The following PRKG1 variants were observed in gnomAD, a reference collection of about 807,000 sequenced individuals.
The protein encoded by PRKG1 is protein kinase cGMP-dependent 1.
PRKG1 carries 35 observed loss-of-function variants against 88.1 expected under a neutral mutation model. That is an observed-to-expected ratio of 0.40 (90% CI 0.30 to 0.53). PRKG1 has a LOEUF of 0.53. Ranked by LOEUF, PRKG1 falls within the 20% of genes least tolerant of loss-of-function variation. The pLI is 0.59. For missense variants in PRKG1, 540 were observed against 839.8 expected, an observed-to-expected ratio of 0.64 and a Z score of 4.41; for synonymous variants, 303 against 292.5, an observed-to-expected ratio of 1.04 and a Z score of -0.37.
chr10:51,987,010 CTT>C (rs1192224167), intron 5 of PRKG1, among the ~76,000 whole-genome samples: 5 of 151,906 alleles, frequency 3.3e-5, no homozygotes, highest in African/African-American at 1.2e-4. Flanking sequence ...ATGATTAACA[CTT>C]AGGTCTAATA....
intron 2 of PRKG1, among the ~76,000 whole-genome samples, chr10:51,290,692 C>T (rs923308016): frequency 6.6e-6 from 1 of 152,068 alleles, no homozygotes; most frequent in African/African-American, 2.4e-5. Context: ...GCCACCCCAC[C>T]CCGGTAAATG....
In PRKG1 at chr10:52,209,005, A is replaced by G. The variant is rs182537562; in HGVS notation, c.1077-42565A>G. Among the ~76,000 whole-genome samples the G allele has an allele frequency of 1.4e-4, 21 of 152,338 alleles. No homozygotes were observed. The East Asian group carries it at 3.9e-3, about 28-fold the overall frequency. On this transcript the variant is annotated intron_variant, in intron 9 of 17. Coordinates refer to ENST00000373980, the MANE Select transcript of PRKG1 (RefSeq NM_006258.4). ...TGAAATATTTTTAATAATGTAGAAA[A>G]TATGCTTAAGAGCGAGAAAATGATT...
chr10:51,252,233 T>C (rs1839445699), intron 2 of PRKG1, among the ~76,000 whole-genome samples: 1 of 151,848 alleles, frequency 6.6e-6, no homozygotes, highest in African/African-American at 2.4e-5. Flanking sequence ...TGTCTTCTAA[T>C]AGACTAGGAA....
intron 5 of PRKG1, among the ~76,000 whole-genome samples, chr10:52,012,544 G>A (rs113118336): frequency 0.048 from 7,204 of 151,638 alleles, 413 homozygotes; most frequent in African/African-American, 0.14. Context: ...GCCCAGCCGC[G>A]CCCAGCTAAT....
At chr10:51,784,296 C>A (rs1838674213) in intron 3 of PRKG1, among the ~76,000 whole-genome samples, 1 of 151,978 alleles carries the variant, frequency 6.6e-6, no homozygotes, top group Non-Finnish European at 1.5e-5. Context: ...AGATGAGTAG[C>A]CTTCCTGAAA....
intron 3 of PRKG1, chr10:51,699,600 T>TCTTGCGACCGACACTTCCG: frequency 1.3e-6 from 2 of 1,545,210 alleles, no homozygotes; most frequent in Non-Finnish European, 1.7e-6. Context: ...GCGTCTGTCC[T>TCTTGCGACCGACACTTCCG]CTTGCGACCG....
intron 3 of PRKG1, among the ~76,000 whole-genome samples, chr10:51,510,302 T>C (rs1450687054): frequency 3.3e-5 from 5 of 152,310 alleles, no homozygotes; most frequent in African/African-American, 1.2e-4. Flanking sequence ...TAATTAAATA[T>C]GTATAACTTC....
At chr10:51,328,262 C>T (rs772583105) in intron 2 of PRKG1, among the ~76,000 whole-genome samples, 21 of 152,286 alleles carry the variant, frequency 1.4e-4, no homozygotes, top group Non-Finnish European at 2.5e-4. Context: ...TTTCACTTAA[C>T]GTGATGTCTT....
chr10:51,531,236 T>A (rs1446898244), intron 3 of PRKG1, among the ~76,000 whole-genome samples: 1 of 152,220 alleles, frequency 6.6e-6, no homozygotes, highest in African/African-American at 2.4e-5. Flanking sequence ...TGCCTTTAAA[T>A]TGAAGTATGC....
In PRKG1 at chr10:51,163,471, G is replaced by A. The variant is rs892548742; in HGVS notation, c.478+10141G>A. Among the ~76,000 whole-genome samples, 12 of 152,150 alleles carry A rather than the reference G, an allele frequency of 7.9e-5. No homozygotes were observed. The East Asian group carries it at 1.2e-3, about 15-fold the overall frequency. On this transcript the variant is annotated intron_variant, in intron 2 of 17. Transcript: ENST00000373980. ...TCCCAGCATGAGCGACGCAGAAGACGGGTGATTTCTGCATTTCCATCTGAG... is the reference window on the plus strand; with the variant it reads ...TCCCAGCATGAGCGACGCAGAAGACAGGTGATTTCTGCATTTCCATCTGAG...
intron 5 of PRKG1, among the ~76,000 whole-genome samples, chr10:52,027,003 G>T (rs117356994): frequency 0.016 from 2,493 of 151,864 alleles, 31 homozygotes; most frequent in Middle Eastern, 0.027. Context: ...GGCGAATTTC[G>T]TGATATATGA....
intron 2 of PRKG1, among the ~76,000 whole-genome samples, chr10:51,223,963 G>A (rs546378426): frequency 6.6e-6 from 1 of 152,208 alleles, no homozygotes; most frequent in Admixed American, 6.5e-5. Flanking sequence ...TTGATTAGGA[G>A]CAGGTTTTTA....
At chr10:51,181,183 C>T (rs1395056335) in intron 2 of PRKG1, among the ~76,000 whole-genome samples, 6 of 147,724 alleles carry the variant, frequency 4.1e-5, no homozygotes, top group African/African-American at 1.5e-4. Flanking sequence ...TTTCCTGAAA[C>T]AGCACTTTGC....
chr10:51,719,729 T>C (rs1033000367), intron 3 of PRKG1, among the ~76,000 whole-genome samples: 1 of 152,206 alleles, frequency 6.6e-6, no homozygotes, highest in African/African-American at 2.4e-5. Context: ...GATGGTAACA[T>C]TGGGAAAGCT....
At chr10:51,339,349 C>A (rs779816546) in intron 2 of PRKG1, among the ~76,000 whole-genome samples, 3 of 151,918 alleles carry the variant, frequency 2.0e-5, no homozygotes, top group African/African-American at 7.2e-5. Flanking sequence ...CCAGAAAGTA[C>A]AAAAATGTTT....
At chr10:52,150,168 A>T (rs1382669464) in intron 8 of PRKG1, among the ~76,000 whole-genome samples, 1 of 108,658 alleles carries the variant, frequency 9.2e-6, no homozygotes, top group Non-Finnish European at 1.9e-5. Context: ...TAATAATAAT[A>T]ATAATAATAA....
chr10:51,790,262 C>A lies in PRKG1; in HGVS notation c.593-14323C>A, dbSNP rs149889176. 3.9e-5 allele frequency among the ~76,000 whole-genome samples: 6 copies of A among 152,100 alleles called. 1 individual carries two copies. In the East Asian group the frequency reaches 9.6e-4, roughly 24 times the overall value. ...TAAACTTTTGTTCTTTCTTTTTTGA[C>A]TCTCTTAGAATTCATTGTCACTACC... On this transcript the variant is annotated intron_variant, in intron 3 of 17. Transcript: ENST00000373980.
At chr10:51,976,971 GT>G (rs751055642) in intron 5 of PRKG1, among the ~76,000 whole-genome samples, 2 of 151,620 alleles carry the variant, frequency 1.3e-5, no homozygotes, top group Admixed American at 6.6e-5. Flanking sequence ...ACAATGCTTT[GT>G]TTTTTTACTT....
chr10:51,056,753 T>A (rs974651740), intron 1 of PRKG1, among the ~76,000 whole-genome samples: 2 of 152,168 alleles, frequency 1.3e-5, no homozygotes, highest in Non-Finnish European at 2.9e-5. Context: ...ATCTGGTCCT[T>A]GTCTGTCTCC....
Sources: allele counts gnomAD v4.1 joint callset (sites outside exome capture counted in the v4.1 genomes callset), GRCh38; gene constraint gnomAD v4.1.1; transcripts MANE v1.5; gene names NCBI Gene and HGNC (gene_info 2026-07-23, HGNC 2026-07-21).